The following ZFHX3 variants were observed in gnomAD, a reference collection of about 807,000 sequenced individuals.
ZFHX3 encodes zinc finger homeobox 3, also known as zinc finger homeobox protein 3.
A neutral mutation model predicts 279.1 loss-of-function variants in ZFHX3; 42 were observed. That is an observed-to-expected ratio of 0.15 (90% CI 0.12 to 0.19). The LOEUF (loss-of-function observed/expected upper bound fraction) is 0.19, where lower values mean the gene tolerates loss of function less well. Among genes scored for constraint, ZFHX3 ranks in the 10% least tolerant of loss-of-function variants. ZFHX3 has a pLI of 1.00. For synonymous variants in ZFHX3, 2,293 were observed against 1,957.8 expected (o/e 1.17, Z -4.52); for missense variants, 4,981 against 4,754.0 (o/e 1.05, Z -1.40).
intron 1 of ZFHX3, among the ~76,000 whole-genome samples, chr16:73,782,392 T>C (rs1471479143): frequency 6.6e-6 from 1 of 152,216 alleles, no homozygotes. Flanking sequence ...ATGCAAAATT[T>C]TACATGCAAT....
chr16:73,396,852 C>G (rs1459981056), intron 3 of ZFHX3, among the ~76,000 whole-genome samples: 3 of 152,196 alleles, frequency 2.0e-5, no homozygotes, highest in Admixed American at 6.5e-5. Context: ...CCTGAGTACA[C>G]AGATGGCCTA....
chr16:72,935,533 G>A (rs1960070697), intron 3 of ZFHX3, among the ~76,000 whole-genome samples: 1 of 152,144 alleles, frequency 6.6e-6, no homozygotes, highest in East Asian at 1.9e-4. Context: ...CCGAGGTCAG[G>A]AGTTCGAGAC....
chr16:73,774,988 T>C (rs1452749023), intron 1 of ZFHX3, among the ~76,000 whole-genome samples: 1 of 152,180 alleles, frequency 6.6e-6, no homozygotes, highest in Non-Finnish European at 1.5e-5. Flanking sequence ...ACCCCAGATA[T>C]CATCTCTTGG....
intron 3 of ZFHX3, among the ~76,000 whole-genome samples, chr16:72,906,774 G>A (rs761580787): frequency 2.0e-5 from 3 of 152,084 alleles, no homozygotes; most frequent in Non-Finnish European, 4.4e-5. Flanking sequence ...CTCCAGACTG[G>A]GCAACAGAGC....
intron 2 of ZFHX3, among the ~76,000 whole-genome samples, chr16:73,509,521 CTTTTTTTTTT>C (rs531436437): frequency 1.9e-5 from 2 of 102,962 alleles, no homozygotes; most frequent in Non-Finnish European, 3.6e-5. Flanking sequence ...TTTCCCTCTC[CTTTTTTTTTT>C]TTTTTTTTTT....
In ZFHX3 at chr16:72,952,220, C is replaced by T. The variant is rs141001171; in HGVS notation, c.2720-1255G>A. On this transcript the variant is annotated intron_variant, in intron 2 of 9. Transcript: ENST00000268489. The stretch of plus-strand genomic sequence containing the variant: ...ATGCCACTCAGCTCAGCCCTGGTGA[C>T]AGAGCAGGACCCTGTCTCAAAAACA... Among the ~76,000 whole-genome samples the T allele has an allele frequency of 4.3e-4, 65 of 152,326 alleles. 3 individuals carry two copies. The East Asian group carries it at 0.012, about 29-fold the overall frequency.
At chr16:73,271,718 G>C (rs2014150078) in intron 4 of ZFHX3, among the ~76,000 whole-genome samples, 2 of 152,194 alleles carry the variant, frequency 1.3e-5, no homozygotes, top group Admixed American at 6.5e-5. Context: ...TGACAAAGGA[G>C]GAATTATGTC....
At chr16:73,383,983 G>C (rs1158699111) in intron 3 of ZFHX3, among the ~76,000 whole-genome samples, 3 of 152,182 alleles carry the variant, frequency 2.0e-5, no homozygotes, top group Admixed American at 1.3e-4. Flanking sequence ...CCCAAATGGC[G>C]AGTGCTCCAC....
intron 2 of ZFHX3, among the ~76,000 whole-genome samples, chr16:73,589,226 C>CTCCA (rs2051963197): frequency 2.2e-5 from 3 of 134,404 alleles, no homozygotes; most frequent in South Asian, 2.5e-4. Context: ...TGCCACTGCA[C>CTCCA]TCCAGCCTGG....
At chr16:73,343,590 A>G (rs2016074255) in intron 3 of ZFHX3, among the ~76,000 whole-genome samples, 1 of 152,120 alleles carries the variant, frequency 6.6e-6, no homozygotes, top group African/African-American at 2.4e-5. Context: ...GCTGGGCATG[A>G]TGGTGCCTAT....
At chr16:72,968,667 T>C (rs980172448) in intron 1 of ZFHX3, among the ~76,000 whole-genome samples, 4 of 152,200 alleles carry the variant, frequency 2.6e-5, no homozygotes, top group Non-Finnish European at 4.4e-5. Context: ...TTCACCACAC[T>C]GGCCAGGCTA....
chr16:72,996,189 CAGA>C (rs1963283383), intron 1 of ZFHX3, among the ~76,000 whole-genome samples: 1 of 152,102 alleles, frequency 6.6e-6, no homozygotes. Context: ...GAGGCTCAGG[CAGA>C]AGAATCACTT....
At chr16:73,859,743 A>T (rs570235781) in intron 1 of ZFHX3, among the ~76,000 whole-genome samples, 1 of 152,260 alleles carries the variant, frequency 6.6e-6, no homozygotes, top group Admixed American at 6.5e-5. Context: ...TGAAAAGTTG[A>T]CCAAAATCAA....
chr16:72,826,489 C>A (rs2036932877), intron 5 of ZFHX3, among the ~76,000 whole-genome samples: 1 of 152,130 alleles, frequency 6.6e-6, no homozygotes, highest in Non-Finnish European at 1.5e-5. Flanking sequence ...GAGAATAGAA[C>A]AAACGTAGTT....
chr16:73,676,142 TAAC>T (rs1360961366), intron 2 of ZFHX3, among the ~76,000 whole-genome samples: 3 of 152,052 alleles, frequency 2.0e-5, no homozygotes, highest in Non-Finnish European at 4.4e-5. Context: ...CAATTAAACA[TAAC>T]AATAACTAAT....
At chr16:73,674,810 A>G (rs1238688474) in intron 2 of ZFHX3, among the ~76,000 whole-genome samples, 4 of 152,140 alleles carry the variant, frequency 2.6e-5, no homozygotes, top group South Asian at 4.1e-4. Context: ...CATGTGCAGG[A>G]GGCTATCAGG....
At chr16:73,041,328 G>T (rs1353774872) in intron 1 of ZFHX3, among the ~76,000 whole-genome samples, 2 of 151,752 alleles carry the variant, frequency 1.3e-5, no homozygotes, top group East Asian at 3.9e-4. Context: ...AAAGTTCTCT[G>T]CTTTCCCCAA....
At chr16:73,484,720 T>C (rs1458475845) in intron 2 of ZFHX3, among the ~76,000 whole-genome samples, 3 of 152,202 alleles carry the variant, frequency 2.0e-5, no homozygotes, top group African/African-American at 7.2e-5. Flanking sequence ...TTTTCCTATG[T>C]TTTAGCATCT....
At chr16:73,119,247 G>A (rs939749713) in intron 7 of ZFHX3, among the ~76,000 whole-genome samples, 1 of 152,070 alleles carries the variant, frequency 6.6e-6, no homozygotes, top group African/African-American at 2.4e-5. Flanking sequence ...GGGACCATAG[G>A]TGCATGCCAC....
Sources: allele counts gnomAD v4.1 joint callset (sites outside exome capture counted in the v4.1 genomes callset), GRCh38; gene constraint gnomAD v4.1.1; transcripts MANE v1.5; gene names NCBI Gene and HGNC (gene_info 2026-07-23, HGNC 2026-07-21).